CSMD3: variants seen among roughly 807,000 people sequenced by gnomAD.
CSMD3 encodes CUB and Sushi multiple domains 3, also known as CUB and sushi domain-containing protein 3.
CSMD3 carries 177 observed loss-of-function variants against 435.2 expected under a neutral mutation model. The observed-to-expected ratio is 0.41, with a 90% CI of 0.36 to 0.46. CSMD3 has a LOEUF of 0.46. Ranked by LOEUF, CSMD3 falls within the 20% of genes least tolerant of loss-of-function variation. The pLI is 0.34. For synonymous variants in CSMD3, 1,656 were observed against 1,520.5 expected (o/e 1.09, Z -2.07); for missense variants, 4,265 against 4,504.6 (o/e 0.95, Z 1.52).
intron 22 of CSMD3, among the ~76,000 whole-genome samples, chr8:112,619,613 T>C (rs760675864): frequency 1.3e-4 from 20 of 152,134 alleles, no homozygotes; most frequent in Non-Finnish European, 2.6e-4. Context: ...CCACCTTCTC[T>C]GATTTTCTTC....
chr8:112,231,849 CAG>C (rs1420555120), intron 68 of CSMD3, among the ~76,000 whole-genome samples: 1 of 151,920 alleles, frequency 6.6e-6, no homozygotes, highest in Non-Finnish European at 1.5e-5. Flanking sequence ...ATATACAAAA[CAG>C]AGATTGGTTA....
intron 6 of CSMD3, among the ~76,000 whole-genome samples, chr8:113,010,592 A>G (rs2086222021): frequency 6.6e-6 from 1 of 151,826 alleles, no homozygotes; most frequent in East Asian, 1.9e-4. Context: ...ATTTAAAGAT[A>G]GTAATTGAAA....
At chr8:113,093,938 C>T (rs1384716217) in intron 5 of CSMD3, among the ~76,000 whole-genome samples, 1 of 152,098 alleles carries the variant, frequency 6.6e-6, no homozygotes, top group Non-Finnish European at 1.5e-5. Context: ...CCCTTGACTT[C>T]AGCCAGTATT....
At chr8:112,525,852 TTA>T (rs1275565013) in intron 27 of CSMD3, among the ~76,000 whole-genome samples, 2 of 139,184 alleles carry the variant, frequency 1.4e-5, no homozygotes, top group Non-Finnish European at 3.2e-5. Context: ...TACAGGGTCT[TTA>T]TATATATAGT....
At chr8:113,398,374 C>T (rs1473869690) in intron 1 of CSMD3, among the ~76,000 whole-genome samples, 2 of 152,134 alleles carry the variant, frequency 1.3e-5, no homozygotes, top group Non-Finnish European at 2.9e-5. Context: ...TTTCACTGTC[C>T]TATGTATCAT....
chr8:112,463,250 T>C (rs1817633722), intron 32 of CSMD3, among the ~76,000 whole-genome samples: 1 of 152,140 alleles, frequency 6.6e-6, no homozygotes, highest in Admixed American at 6.6e-5. Context: ...TAATCCCAGC[T>C]ACTCAGCAGG....
At chr8:112,837,067 T>C (rs1052397581) in intron 11 of CSMD3, among the ~76,000 whole-genome samples, 16 of 151,820 alleles carry the variant, frequency 1.1e-4, no homozygotes, top group Middle Eastern at 3.2e-3. Flanking sequence ...TGTTCTTTGA[T>C]GTTGGGCATA....
chr8:113,060,034 G>A (rs2088538984), intron 5 of CSMD3, among the ~76,000 whole-genome samples: 1 of 145,334 alleles, frequency 6.9e-6, no homozygotes, highest in Non-Finnish European at 1.5e-5. Flanking sequence ...GGGTACATGT[G>A]CACATTGTGC....
At chr8:112,941,464 T>C (rs1256088704) in intron 9 of CSMD3, among the ~76,000 whole-genome samples, 4 of 151,786 alleles carry the variant, frequency 2.6e-5, no homozygotes, top group Non-Finnish European at 5.9e-5. Context: ...AAAACTGACA[T>C]CACAATTTTC....
chr8:112,387,411 A>T (rs1830067684), intron 36 of CSMD3, among the ~76,000 whole-genome samples: 1 of 151,898 alleles, frequency 6.6e-6, no homozygotes, highest in African/African-American at 2.4e-5. Context: ...CTAGGGTAGT[A>T]GCCAGATAGC....
intron 5 of CSMD3, among the ~76,000 whole-genome samples, chr8:113,042,087 T>C (rs978504839): frequency 2.0e-5 from 3 of 152,252 alleles, no homozygotes; most frequent in African/African-American, 7.2e-5. Flanking sequence ...CATATCTCTT[T>C]GTATTTCTAC....
At chr8:113,429,438 C>T (rs1032188903) in intron 1 of CSMD3, among the ~76,000 whole-genome samples, 4 of 151,894 alleles carry the variant, frequency 2.6e-5, no homozygotes, top group African/African-American at 7.2e-5. Context: ...TACTGCCCCT[C>T]AATGCTCTTT....
At chr8:112,239,226 T>C (rs751506318) in intron 66 of CSMD3, among the ~76,000 whole-genome samples, 7 of 152,128 alleles carry the variant, frequency 4.6e-5, no homozygotes, top group Non-Finnish European at 7.4e-5. Flanking sequence ...TCTCTCTGAA[T>C]CTGCTGTGAT....
intron 3 of CSMD3, among the ~76,000 whole-genome samples, chr8:113,265,802 G>C (rs543858811): frequency 2.0e-5 from 3 of 151,188 alleles, no homozygotes; most frequent in Non-Finnish European, 3.0e-5. Flanking sequence ...TGTGGATTAG[G>C]GTGTTTCCAT....
At chr8:112,260,575 A>AT (rs760406526) in intron 61 of CSMD3, among the ~76,000 whole-genome samples, 13 of 151,614 alleles carry the variant, frequency 8.6e-5, no homozygotes, top group African/African-American at 1.5e-4. Flanking sequence ...CTTGATTGTA[A>AT]TTTTTTTTTC....
At chr8:112,504,801 C>A (rs957719028) in intron 29 of CSMD3, among the ~76,000 whole-genome samples, 3 of 151,994 alleles carry the variant, frequency 2.0e-5, no homozygotes, top group Admixed American at 6.6e-5. Flanking sequence ...GACATGCAAT[C>A]AATTTCTGTT....
chr8:112,863,948 T>C (rs1184370386), intron 10 of CSMD3, among the ~76,000 whole-genome samples: 1 of 152,098 alleles, frequency 6.6e-6, no homozygotes, highest in East Asian at 1.9e-4. Flanking sequence ...ATGACAACTT[T>C]GGTCATTAAA....
intron 1 of CSMD3, among the ~76,000 whole-genome samples, chr8:113,339,333 G>GT (rs1280372745): frequency 2.2e-4 from 34 of 151,784 alleles, no homozygotes; most frequent in African/African-American, 7.3e-4. Context: ...AAAAATCCCA[G>GT]TATCAATTTG....
intron 10 of CSMD3, among the ~76,000 whole-genome samples, chr8:112,893,720 A>G (rs16884200): frequency 0.034 from 5,158 of 151,514 alleles, 109 homozygotes; most frequent in Non-Finnish European, 0.042. Context: ...TTTTATTTCT[A>G]ATAGTGTGAT....
Sources: allele counts gnomAD v4.1 joint callset (sites outside exome capture counted in the v4.1 genomes callset), GRCh38; gene constraint gnomAD v4.1.1; transcripts MANE v1.5; gene names NCBI Gene and HGNC (gene_info 2026-07-23, HGNC 2026-07-21).